CDH4: variants seen among roughly 807,000 people sequenced by gnomAD.
The protein encoded by CDH4 is cadherin 4.
CDH4 carries 33 observed loss-of-function variants against 86.0 expected under a neutral mutation model. That is an observed-to-expected ratio of 0.38 (90% CI 0.29 to 0.51). The LOEUF (loss-of-function observed/expected upper bound fraction) is 0.51. Among genes scored for constraint, CDH4 ranks in the 20% least tolerant of loss-of-function variants. The pLI, the probability that CDH4 is intolerant of heterozygous loss-of-function variation, is 0.86. For synonymous variants in CDH4, 555 were observed against 549.4 expected, an observed-to-expected ratio of 1.01 and a Z score of -0.14; for missense variants, 1,114 against 1,307.4, an observed-to-expected ratio of 0.85 and a Z score of 2.28.
Position 61,910,604 on chromosome 20 carries a change from G to A in CDH4, c.1371G>A (p.Val457=), listed in dbSNP as rs574620747. The A allele has an allele frequency of 7.4e-6, 12 of 1,613,260 alleles. No homozygotes were observed. In the South Asian group the frequency reaches 1.3e-4, roughly 18 times the overall value. Residue 457 remains valine, a synonymous_variant, in exon 9 of 16, where the codon GTG becomes GTA. Transcript: ENST00000614565. ...PVTNEGMVTV[V]KAVDYELNRA... ...CCAACGAGGGCATGGTCACCGTGGT[G>A]AAGGTGCGTACTCTTCTCACACCCT...
intron 2 of CDH4, among the ~76,000 whole-genome samples, chr20:61,490,980 T>C (rs1226773461): frequency 6.6e-6 from 1 of 152,204 alleles, no homozygotes; most frequent in Non-Finnish European, 1.5e-5. Context: ...GCTTGACTGA[T>C]TGGAATTTCT....
intron 2 of CDH4, among the ~76,000 whole-genome samples, chr20:61,279,671 T>C (rs1030802510): frequency 6.6e-6 from 1 of 152,036 alleles, no homozygotes; most frequent in African/African-American, 2.4e-5. Flanking sequence ...CAGAGGACAT[T>C]GTTTCCCGGG....
chr20:61,604,349 T>C (rs1188174179), intron 2 of CDH4, among the ~76,000 whole-genome samples: 1 of 152,176 alleles, frequency 6.6e-6, no homozygotes, highest in Non-Finnish European at 1.5e-5. Context: ...TTTTGGACAG[T>C]GACGATGATC....
At chr20:61,893,044 G>C (rs1984894905) in intron 7 of CDH4, among the ~76,000 whole-genome samples, 1 of 147,806 alleles carries the variant, frequency 6.8e-6, no homozygotes, top group Non-Finnish European at 1.5e-5. Context: ...TAGATGGATG[G>C]GTGGGTGAAT....
intron 2 of CDH4, among the ~76,000 whole-genome samples, chr20:61,692,631 G>A (rs1322097604): frequency 6.6e-6 from 1 of 152,146 alleles, no homozygotes; most frequent in Non-Finnish European, 1.5e-5. Context: ...GTGTCCGTGC[G>A]AGCAAATCCC....
chr20:61,308,805 T>C (rs761587821), intron 2 of CDH4, among the ~76,000 whole-genome samples: 92 of 152,238 alleles, frequency 6.0e-4, no homozygotes, highest in Non-Finnish European at 1.2e-3. Flanking sequence ...GACTTTGCTG[T>C]CAGAAACCTG....
intron 2 of CDH4, among the ~76,000 whole-genome samples, chr20:61,565,998 A>G (rs983826230): frequency 1.3e-5 from 2 of 152,160 alleles, no homozygotes; most frequent in African/African-American, 4.8e-5. Flanking sequence ...TTGCCCATCA[A>G]GTGCCTGCCA....
chr20:61,924,573 G>A (rs1382139863), intron 11 of CDH4, 97 bp downstream of exon 11: 9 of 1,373,400 alleles, frequency 6.6e-6, no homozygotes, highest in African/African-American at 1.4e-5. Flanking sequence ...ACCCCGAGAG[G>A]CCAGCAGGCA....
At chr20:61,477,686 C>T (rs2085546700) in intron 2 of CDH4, among the ~76,000 whole-genome samples, 1 of 152,218 alleles carries the variant, frequency 6.6e-6, no homozygotes, top group African/African-American at 2.4e-5. Context: ...GGAGCCCATT[C>T]CTGGGGCAGC....
In CDH4 at chr20:61,351,362, G is replaced by A. The variant is rs940845313; in HGVS notation, c.169+96425G>A. On this transcript the variant is annotated intron_variant, in intron 2 of 15. Transcript: ENST00000614565. ...TTCAAGTCTATGCGAGGGGGTGCCTGGATTCTACGCACACACTGTGCTATT... is the reference window on the plus strand; with the variant it reads ...TTCAAGTCTATGCGAGGGGGTGCCTAGATTCTACGCACACACTGTGCTATT... 4.6e-5 allele frequency among the ~76,000 whole-genome samples: 7 copies of A among 152,302 alleles called. No homozygotes were observed. In the South Asian group the frequency reaches 1.5e-3, roughly 32 times the overall value.
At chr20:61,361,429 A>G (rs894800319) in intron 2 of CDH4, among the ~76,000 whole-genome samples, 1 of 152,130 alleles carries the variant, frequency 6.6e-6, no homozygotes, top group Non-Finnish European at 1.5e-5. Flanking sequence ...GTATTTGTAA[A>G]TCACTCCCAG....
rs1444445171 is a variant in CDH4, at chr20:61,647,525, T to TCTCTCTCTCTCTCTCTCTCTC, written c.170-96038_170-96037insCTCTCTCTCTCTCTCTCTCTC. Among the ~76,000 whole-genome samples the TCTCTCTCTCTCTCTCTCTCTC allele has an allele frequency of 5.6e-4, 39 of 69,852 alleles. 4 individuals carry two copies. The highest frequency in any genetic ancestry group is 1.8e-3 in the African/African-American group (34 of 19,042). The allele number at this position is 69,852 out of a possible 152,430, so 45.8% of individuals were successfully genotyped here. ...AAACACATCAGTATGCACACACATATTCTCTCTCCCTCTCCCTCTCCCTCT... is the reference window on the plus strand; with the variant it reads ...AAACACATCAGTATGCACACACATATCTCTCTCTCTCTCTCTCTCTCTCTCTCTCCCTCTCCCTCTCCCTCT... On this transcript the variant is annotated intron_variant, in intron 2 of 15. Coordinates refer to ENST00000614565, the MANE Select transcript of CDH4 (RefSeq NM_001794.5).
intron 2 of CDH4, among the ~76,000 whole-genome samples, chr20:61,330,236 TC>T (rs751979082): frequency 2.3e-4 from 35 of 152,292 alleles, no homozygotes; most frequent in Non-Finnish European, 4.3e-4. Flanking sequence ...TGGTTCTAGA[TC>T]TTTCTGGTTC....
chr20:61,778,954 C>A (rs997442452), intron 4 of CDH4, among the ~76,000 whole-genome samples: 4 of 152,212 alleles, frequency 2.6e-5, no homozygotes, highest in Non-Finnish European at 5.9e-5. Flanking sequence ...TAGAGCTCTC[C>A]TGTGGCCTTC....
At chr20:61,311,348 A>T (rs2084444589) in intron 2 of CDH4, among the ~76,000 whole-genome samples, 1 of 152,238 alleles carries the variant, frequency 6.6e-6, no homozygotes, top group Non-Finnish European at 1.5e-5. Flanking sequence ...AAATTTTATT[A>T]AAAAGGTTTC....
intron 7 of CDH4, among the ~76,000 whole-genome samples, chr20:61,889,392 G>C (rs1174250158): frequency 2.0e-5 from 3 of 151,154 alleles, no homozygotes; most frequent in Admixed American, 2.0e-4. Flanking sequence ...GATGGTGGAT[G>C]ATGGATGAGG....
intron 2 of CDH4, among the ~76,000 whole-genome samples, chr20:61,720,290 C>T (rs750496398): frequency 6.6e-6 from 1 of 152,156 alleles, no homozygotes; most frequent in Non-Finnish European, 1.5e-5. Flanking sequence ...TCCTGGCCCC[C>T]CATCCTGCTC....
chr20:61,811,591 C>T lies in CDH4; in HGVS notation c.577-33077C>T, dbSNP rs539943537. 2.0e-5 allele frequency among the ~76,000 whole-genome samples: 3 copies of T among 152,164 alleles called. No homozygotes were observed. The highest frequency in any genetic ancestry group is 6.5e-5 in the Admixed American group (1 of 15,290). On this transcript the variant is annotated intron_variant, in intron 4 of 15. Transcript: ENST00000614565. The surrounding 1 kb of genome is among the most constrained non-coding windows in gnomAD (Gnocchi z 4.4). ...CCTTGCCAGTGCTACTGTGTGAAAG[C>T]GGAGCCCACCAGCCCACAAATGAGC...
intron 2 of CDH4, among the ~76,000 whole-genome samples, chr20:61,628,278 G>T (rs760438101): frequency 1.3e-5 from 2 of 152,104 alleles, no homozygotes; most frequent in Non-Finnish European, 2.9e-5. Context: ...CGCCTGCCGT[G>T]CCACGGTTTT....
Sources: allele counts gnomAD v4.1 joint callset (sites outside exome capture counted in the v4.1 genomes callset), GRCh38; gene constraint gnomAD v4.1.1; non-coding constraint Gnocchi (gnomAD v3.1); transcripts MANE v1.5; gene names NCBI Gene and HGNC (gene_info 2026-07-23, HGNC 2026-07-21).